The following CSNK1G3 variants were observed in gnomAD, a reference collection of about 807,000 sequenced individuals.
The protein encoded by CSNK1G3 is casein kinase I isoform gamma-3.
In CSNK1G3, 23 loss-of-function variants were observed where a neutral mutation model predicts 64.3. That is an observed-to-expected ratio of 0.36 (90% CI 0.26 to 0.51). The LOEUF (loss-of-function observed/expected upper bound fraction) is 0.51. Among genes scored for constraint, CSNK1G3 ranks in the 20% least tolerant of loss-of-function variants. The pLI is 0.96. For missense variants in CSNK1G3, 357 were observed against 510.5 expected (o/e 0.70, Z 2.90); for synonymous variants, 158 against 162.2 (o/e 0.97, Z 0.20).
At chr5:123,588,868 G>C (rs1285577317) in intron 8 of CSNK1G3, among the ~76,000 whole-genome samples, 1 of 152,106 alleles carries the variant, frequency 6.6e-6, no homozygotes, top group Admixed American at 6.5e-5. Flanking sequence ...TTCAAAGGAG[G>C]TATGTGAAGT....
At chr5:123,608,637 C>T (rs1795776117) in intron 12 of CSNK1G3, among the ~76,000 whole-genome samples, 1 of 151,962 alleles carries the variant, frequency 6.6e-6, no homozygotes, top group South Asian at 2.1e-4. Context: ...GTTTGCATAC[C>T]ATTAAGTTGG....
chr5:123,577,807 A>G (rs956879054), intron 6 of CSNK1G3, among the ~76,000 whole-genome samples: 6 of 151,912 alleles, frequency 3.9e-5, no homozygotes, highest in African/African-American at 4.8e-5. Context: ...TGTGCATACT[A>G]TGTAACCCAC....
At chr5:123,590,444 G>T (rs746865532) in exon 9 of CSNK1G3, 5 of 1,503,688 alleles carry the variant, frequency 3.3e-6, no homozygotes, top group Admixed American at 4.7e-5. Flanking sequence ...ATGTAAGAAG[G>T]CTAGATTTTT....
intron 4 of CSNK1G3, among the ~76,000 whole-genome samples, chr5:123,566,038 C>T (rs1382266685): frequency 6.6e-6 from 1 of 152,144 alleles, no homozygotes; most frequent in Admixed American, 6.5e-5. Context: ...CATGATATTA[C>T]TGTGAAATGG....
intron 6 of CSNK1G3, among the ~76,000 whole-genome samples, chr5:123,580,191 C>G (rs1361123049): frequency 2.6e-5 from 4 of 151,860 alleles, no homozygotes; most frequent in African/African-American, 9.7e-5. Context: ...CTTTTAAAGC[C>G]TTATTCATTC....
intron 4 of CSNK1G3, among the ~76,000 whole-genome samples, chr5:123,565,142 T>C (rs1392673248): frequency 2.6e-5 from 4 of 152,258 alleles, no homozygotes; most frequent in African/African-American, 9.6e-5. Flanking sequence ...TTGTTCTACA[T>C]ATTTTGCAAA....
chr5:123,606,491 A>C (rs1795388486), intron 12 of CSNK1G3, among the ~76,000 whole-genome samples: 1 of 152,136 alleles, frequency 6.6e-6, no homozygotes. Context: ...CCTTCAAGAA[A>C]GCTTGTTTCT....
At chr5:123,595,765 A>C (rs1793323627) in intron 10 of CSNK1G3, among the ~76,000 whole-genome samples, 1 of 151,888 alleles carries the variant, frequency 6.6e-6, no homozygotes, top group African/African-American at 2.4e-5. Flanking sequence ...CACCTTTTTT[A>C]TACACTTAGA....
At chr5:123,596,562 G>T (rs561440622) in intron 10 of CSNK1G3, among the ~76,000 whole-genome samples, 1 of 151,962 alleles carries the variant, frequency 6.6e-6, no homozygotes, top group Non-Finnish European at 1.5e-5. Flanking sequence ...GAGGTGGCTC[G>T]TGGGATTCCT....
chr5:123,602,611 G>A (rs1794692982), intron 10 of CSNK1G3, among the ~76,000 whole-genome samples: 1 of 152,170 alleles, frequency 6.6e-6, no homozygotes, highest in Admixed American at 6.6e-5. Context: ...AGATTTTTGA[G>A]CCTGGAAGTC....
intron 1 of CSNK1G3, among the ~76,000 whole-genome samples, chr5:123,523,001 A>C (rs1778395221): frequency 6.6e-6 from 1 of 152,162 alleles, no homozygotes; most frequent in Non-Finnish European, 1.5e-5. Flanking sequence ...AGTTATTATA[A>C]ATTATAAGAG....
At chr5:123,531,857 CTA>C (rs1190183024) in intron 1 of CSNK1G3, among the ~76,000 whole-genome samples, 2 of 151,918 alleles carry the variant, frequency 1.3e-5, no homozygotes, top group Non-Finnish European at 3.0e-5. Context: ...GTACAAGTAA[CTA>C]TGTTACAAAA....
At chr5:123,599,862 T>A (rs1230805676) in intron 10 of CSNK1G3, among the ~76,000 whole-genome samples, 2 of 152,122 alleles carry the variant, frequency 1.3e-5, no homozygotes, top group East Asian at 1.9e-4. Flanking sequence ...GAATTTATTT[T>A]TTTTTTACAA....
At chr5:123,590,658 T>A in intron 9 of CSNK1G3, 100 bp downstream of exon 9, 3 of 745,954 alleles carry the variant, frequency 4.0e-6, no homozygotes, top group Non-Finnish European at 6.0e-6. Context: ...ATAGTTGTTT[T>A]AAAGGATTCA....
At chr5:123,570,346 CTTTTTTT>C (rs370362447) in intron 4 of CSNK1G3, among the ~76,000 whole-genome samples, 4 of 130,524 alleles carry the variant, frequency 3.1e-5, no homozygotes, top group South Asian at 5.0e-4. Flanking sequence ...ACAGTCCTTT[CTTTTTTT>C]TTTTTTTTTT....
At chr5:123,542,848 T>TTGTGTG (rs1561485591) in intron 1 of CSNK1G3, among the ~76,000 whole-genome samples, 1 of 91,906 alleles carries the variant, frequency 1.1e-5, no homozygotes, top group Non-Finnish European at 2.1e-5. Context: ...TGCCTAGATT[T>TTGTGTG]AGTGTGTGTG....
rs145084399 is a variant in CSNK1G3, at chr5:123,594,454, T to C, written c.1086+3040T>C. Among the ~76,000 whole-genome samples, 56 of 152,314 alleles carry C rather than the reference T, an allele frequency of 3.7e-4. No homozygotes were observed. In the East Asian group the frequency reaches 9.2e-3, roughly 25 times the overall value. On this transcript the variant is annotated intron_variant, in intron 10 of 12. Transcript: ENST00000345990. ...TTATCACTTAGAAAAAAAATTGTTTTGTCATATTCTCATAGTATTCTGTAT... is the reference window on the plus strand; with the variant it reads ...TTATCACTTAGAAAAAAAATTGTTTCGTCATATTCTCATAGTATTCTGTAT...
intron 3 of CSNK1G3, among the ~76,000 whole-genome samples, chr5:123,554,501 C>A (rs1784264263): frequency 6.6e-6 from 1 of 152,160 alleles, no homozygotes; most frequent in Admixed American, 6.5e-5. Flanking sequence ...TCAAGGTCCC[C>A]TCATGAGCAT....
chr5:123,559,245 C>T (rs1220552352), intron 4 of CSNK1G3, among the ~76,000 whole-genome samples: 1 of 102,022 alleles, frequency 9.8e-6, no homozygotes, highest in African/African-American at 5.3e-5. Context: ...GATTGGATGC[C>T]ACGGTGATGA....
Sources: gnomAD v4.1 joint callset for allele counts (sites outside exome capture counted in the v4.1 genomes callset) on GRCh38, gnomAD v4.1.1 for gene constraint, MANE v1.5 for transcripts, NCBI Gene and HGNC (gene_info 2026-07-23, HGNC 2026-07-21) for gene names.